The following TBC1D8 variants were observed in gnomAD, a reference collection of about 807,000 sequenced individuals.
TBC1D8 encodes the protein BUB2-like protein 1.
A neutral mutation model predicts 118.8 loss-of-function variants in TBC1D8; 65 were observed. The ratio of observed to expected loss-of-function variants is 0.55; its 90% CI spans 0.45 to 0.67. TBC1D8 has a LOEUF of 0.67. Ranked by LOEUF, TBC1D8 falls within the 30% of genes least tolerant of loss-of-function variation. The pLI is 0.00. For missense variants in TBC1D8, 1,376 were observed against 1,471.2 expected (o/e 0.94, Z 1.06); for synonymous variants, 566 against 595.8 (o/e 0.95, Z 0.73).
rs34465252 is a variant in TBC1D8, at chr2:101,054,672, CT to C, written c.403-337del. On this transcript the variant is annotated intron_variant, in intron 3 of 19. Coordinates refer to ENST00000409318, the MANE Select transcript of TBC1D8 (RefSeq NM_001330348.2). The stretch of plus-strand genomic sequence containing the variant: ...ACAAACAATCATTTTCTTTTCTTTT[CT>C]TTTTTTTTTTTTTTTTTTTTTTTTT... 4.3e-4 allele frequency among the ~76,000 whole-genome samples: 11 copies of C among 25,440 alleles called. No homozygotes were observed. The East Asian group carries it at 7.7e-3, about 18-fold the overall frequency. 16.7% of individuals were successfully genotyped at this position (25,440 alleles called of 152,430 possible). A position where few individuals can be genotyped will look rare whatever the true frequency, so the allele number is the denominator to read the frequency against.
In TBC1D8 at chr2:101,040,384, C is replaced by T; in HGVS notation, c.874G>A (p.Asp292Asn). The T allele has an allele frequency of 6.3e-7, 1 of 1,592,426 alleles. No homozygotes were observed. Among genetic ancestry groups the T allele is most frequent in the Non-Finnish European group, 8.6e-7 (1 of 1,168,718 alleles). Residue 292 changes from aspartate to asparagine, a missense_variant and splice_region_variant, in exon 6 of 20, where the codon GAC (aspartate) becomes AAC (asparagine). Coordinates refer to ENST00000409318, the MANE Select transcript of TBC1D8 (RefSeq NM_001330348.2). Reference sequence around the variant, plus strand: ...TCATTCTGTGCTCTGGCTTCCAGGTCCCTGGGGAAGGACAGGGAGAGAAGA... The same window carrying T: ...TCATTCTGTGCTCTGGCTTCCAGGTTCCTGGGGAAGGACAGGGAGAGAAGA... The part of the protein sequence containing the change: ...LQEPSQITKR[D>N]LEARAQNEFF...
In TBC1D8 at chr2:101,030,499, T is replaced by G. The variant is rs138429831; in HGVS notation, c.1937-723A>C. ...CACTAGATGCCTAAAATTAAAAAGA[T>G]GAACATTACCAAGTTTTAGCAAGGA... On this transcript the variant is annotated intron_variant, in intron 11 of 19. Coordinates refer to ENST00000409318, the MANE Select transcript of TBC1D8 (RefSeq NM_001330348.2). Among the ~76,000 whole-genome samples, 4 of 152,332 alleles carry G rather than the reference T, an allele frequency of 2.6e-5. No homozygotes were observed. In the East Asian group the frequency reaches 7.7e-4, roughly 29 times the overall value.
chr2:101,050,670 T>C (rs1423324906), intron 4 of TBC1D8, 29 bp from the exon 5 acceptor site: 10 of 1,601,052 alleles, frequency 6.2e-6, no homozygotes, highest in Non-Finnish European at 7.7e-6. Flanking sequence ...AAATACCTAT[T>C]ATGCCATGAA....
chr2:101,042,931 A>G (rs1248964720), intron 5 of TBC1D8, among the ~76,000 whole-genome samples: 1 of 152,182 alleles, frequency 6.6e-6, no homozygotes, highest in Non-Finnish European at 1.5e-5. Flanking sequence ...CACCTCAACC[A>G]TGCCAGGCTG....
intron 2 of TBC1D8, among the ~76,000 whole-genome samples, chr2:101,080,547 T>C (rs1440000429): frequency 6.6e-6 from 1 of 152,194 alleles, no homozygotes; most frequent in Non-Finnish European, 1.5e-5. Flanking sequence ...GACAAGAGAA[T>C]GTGCGTCAGA....
At chr2:101,073,792 C>T (rs952073619) in intron 2 of TBC1D8, among the ~76,000 whole-genome samples, 1 of 152,214 alleles carries the variant, frequency 6.6e-6, no homozygotes, top group Non-Finnish European at 1.5e-5. Flanking sequence ...TTTTCTTCTG[C>T]AGCTTCCTCA....
At chr2:101,095,734 G>A (rs994279712) in intron 1 of TBC1D8, among the ~76,000 whole-genome samples, 3 of 152,104 alleles carry the variant, frequency 2.0e-5, no homozygotes, top group African/African-American at 7.2e-5. Context: ...CCCAGCCAGA[G>A]AAGTATTTTC....
chr2:101,123,818 C>T (rs1574065832), intron 1 of TBC1D8, among the ~76,000 whole-genome samples: 1 of 152,182 alleles, frequency 6.6e-6, no homozygotes, highest in Non-Finnish European at 1.5e-5. Context: ...TCCTGCAGAG[C>T]CCCTGACAGG....
intron 1 of TBC1D8, among the ~76,000 whole-genome samples, chr2:101,120,089 A>G (rs1334993816): frequency 2.0e-5 from 3 of 152,064 alleles, no homozygotes; most frequent in Non-Finnish European, 4.4e-5. Context: ...TGACTCCACC[A>G]CCACCAACAC....
intron 11 of TBC1D8, among the ~76,000 whole-genome samples, chr2:101,030,880 CACA>C (rs1367633373): frequency 6.6e-6 from 1 of 152,206 alleles, no homozygotes; most frequent in Non-Finnish European, 1.5e-5. Context: ...GGAAGCCAGA[CACA>C]AAAGACCCTG....
At chr2:101,125,744 A>C (rs1387029919) in intron 1 of TBC1D8, among the ~76,000 whole-genome samples, 1 of 152,232 alleles carries the variant, frequency 6.6e-6, no homozygotes, top group African/African-American at 2.4e-5. Flanking sequence ...AGACTTAAGG[A>C]TATCTAAATG....
At chr2:101,025,390 C>G (rs886699386) in intron 15 of TBC1D8, among the ~76,000 whole-genome samples, 2 of 152,100 alleles carry the variant, frequency 1.3e-5, no homozygotes, top group African/African-American at 4.8e-5. Flanking sequence ...CCACGCCCAG[C>G]TAATTTTTGT....
intron 6 of TBC1D8, 142 bp downstream of exon 6, chr2:101,040,036 G>T: frequency 1.1e-6 from 1 of 897,164 alleles, no homozygotes; most frequent in Non-Finnish European, 1.7e-6. Context: ...CCCTCAAGAA[G>T]CCCAGCCTTG....
intron 17 of TBC1D8, among the ~76,000 whole-genome samples, chr2:101,016,875 G>A (rs888574417): frequency 6.6e-6 from 1 of 151,776 alleles, no homozygotes; most frequent in Non-Finnish European, 1.5e-5. Context: ...ATTGAACAAT[G>A]AGACCACATG....
chr2:101,083,860 C>T (rs55674587), intron 2 of TBC1D8, among the ~76,000 whole-genome samples: 19,191 of 152,164 alleles, frequency 0.13, 1,323 homozygotes, highest in Non-Finnish European at 0.16. Context: ...ATATTAACTA[C>T]GGTGAGTCAA....
At chr2:101,116,792 C>A (rs1181153837) in intron 1 of TBC1D8, among the ~76,000 whole-genome samples, 5 of 151,990 alleles carry the variant, frequency 3.3e-5, no homozygotes, top group Non-Finnish European at 7.4e-5. Context: ...CAGGCGCACA[C>A]CACCATGCCC....
chr2:101,136,769 C>T (rs192444183), intron 1 of TBC1D8, among the ~76,000 whole-genome samples: 38 of 152,298 alleles, frequency 2.5e-4, no homozygotes, highest in Admixed American at 1.1e-3. Context: ...TGAATGATCA[C>T]GAGCTATACA....
At position 101,038,497 on chromosome 2, in the gene TBC1D8, G is replaced by T; in HGVS notation, c.1239C>A (p.His413Gln). Residue 413 changes from histidine to glutamine, a missense_variant, in exon 7 of 20, where the codon CAC (histidine) becomes CAA (glutamine). Physicochemically the swap from His to Gln is conservative, Grantham distance 24. Transcript: ENST00000409318. ...CCGCAGAGGTGTCGTAGTGCACGGGGTGGTTGGCGTGGACCTGCTTCAACC... is the reference window on the plus strand; with the variant it reads ...CCGCAGAGGTGTCGTAGTGCACGGGTTGGTTGGCGTGGACCTGCTTCAACC... ...LARLKQVHAN[H>Q]PVHYDTSADD... is the part of the protein sequence containing the mutation. 1 of 1,613,830 alleles carries T rather than the reference G, an allele frequency of 6.2e-7. No individual in the cohort carries two copies. Among genetic ancestry groups the T allele is most frequent in the Non-Finnish European group, 8.5e-7 (1 of 1,179,888 alleles).
intron 2 of TBC1D8, among the ~76,000 whole-genome samples, chr2:101,065,823 T>G (rs540686808): frequency 6.6e-6 from 1 of 152,196 alleles, no homozygotes; most frequent in Non-Finnish European, 1.5e-5. Context: ...GTCATTAAAA[T>G]GTCCTTGTAA....
Sources: gnomAD v4.1 joint callset for allele counts (sites outside exome capture counted in the v4.1 genomes callset) on GRCh38, gnomAD v4.1.1 for gene constraint, MANE v1.5 for transcripts, NCBI Gene and HGNC (gene_info 2026-07-23, HGNC 2026-07-21) for gene names.